Variants in MACROD2 observed in about 807,000 individuals in gnomAD.
MACROD2 encodes ADP-ribose glycohydrolase MACROD2.
MACROD2 carries 36 observed loss-of-function variants against 70.4 expected under a neutral mutation model. The ratio of observed to expected loss-of-function variants is 0.51; its 90% CI spans 0.39 to 0.68. MACROD2 has a LOEUF of 0.68. Among genes scored for constraint, MACROD2 ranks in the 30% least tolerant of loss-of-function variants. The pLI is 0.00. For synonymous variants in MACROD2, 172 were observed against 178.8 expected (o/e 0.96, Z 0.30); for missense variants, 496 against 538.4 (o/e 0.92, Z 0.78).
At chr20:14,258,005 G>A (rs2082071776) in intron 3 of MACROD2, among the ~76,000 whole-genome samples, 1 of 152,130 alleles carries the variant, frequency 6.6e-6, no homozygotes, top group African/African-American at 2.4e-5. Context: ...CCATTTTTGA[G>A]TTGCTGCACT....
intron 10 of MACROD2, among the ~76,000 whole-genome samples, chr20:15,920,935 G>T (rs933045199): frequency 1.3e-5 from 2 of 152,162 alleles, no homozygotes; most frequent in African/African-American, 4.8e-5. Flanking sequence ...AAAGCCAGTT[G>T]GTTCAATCTC....
chr20:14,408,699 A>AT (rs1347580347), intron 3 of MACROD2, among the ~76,000 whole-genome samples: 1 of 152,192 alleles, frequency 6.6e-6, no homozygotes, highest in Admixed American at 6.5e-5. Flanking sequence ...TTCATTAGCC[A>AT]TAGAGATGGC....
intron 5 of MACROD2, among the ~76,000 whole-genome samples, chr20:14,834,978 T>A (rs1189981986): frequency 1.3e-5 from 2 of 152,018 alleles, no homozygotes; most frequent in African/African-American, 4.8e-5. Context: ...CATACATATG[T>A]ATATATGTTT....
At chr20:15,761,300 C>T (rs1179680178) in intron 8 of MACROD2, among the ~76,000 whole-genome samples, 1 of 152,220 alleles carries the variant, frequency 6.6e-6, no homozygotes, top group Non-Finnish European at 1.5e-5. Context: ...CCTGCCTTGG[C>T]CTCCCAAAGT....
At chr20:15,740,769 C>G (rs1195952708) in intron 8 of MACROD2, among the ~76,000 whole-genome samples, 2 of 151,598 alleles carry the variant, frequency 1.3e-5, no homozygotes, top group African/African-American at 4.9e-5. Context: ...CAAATCACAA[C>G]TCTTACTGTC....
intron 4 of MACROD2, among the ~76,000 whole-genome samples, chr20:14,657,005 C>A (rs867560487): frequency 1.9e-4 from 29 of 152,104 alleles, no homozygotes; most frequent in African/African-American, 5.8e-4. Context: ...ATACTCTCTC[C>A]CACACATACC....
At position 14,455,153 on chromosome 20, in the gene MACROD2, T is replaced by A. The variant is rs1352009697; in HGVS notation, c.272-38326T>A. Among the ~76,000 whole-genome samples the A allele has an allele frequency of 4.0e-5, 6 of 151,894 alleles. No individual in the cohort carries two copies. In the East Asian group the frequency reaches 1.2e-3, roughly 29 times the overall value. On this transcript the variant is annotated intron_variant, in intron 3 of 17. Transcript: ENST00000684519. Reference sequence around the variant, plus strand: ...TCCCTCAAGAGGTGTCCAGGCAATATTATGTATTAGCAATTAACACCTCAG... The same window carrying A: ...TCCCTCAAGAGGTGTCCAGGCAATAATATGTATTAGCAATTAACACCTCAG...
chr20:14,957,989 T>C (rs1365074885), intron 5 of MACROD2, among the ~76,000 whole-genome samples: 1 of 152,136 alleles, frequency 6.6e-6, no homozygotes, highest in Non-Finnish European at 1.5e-5. Flanking sequence ...ATAATTGCGG[T>C]TTTTGCCAAC....
chr20:14,724,322 G>A (rs568654855), intron 5 of MACROD2, among the ~76,000 whole-genome samples: 16 of 152,066 alleles, frequency 1.1e-4, no homozygotes, highest in South Asian at 8.3e-4. Context: ...TTAAAGCTCC[G>A]TTTCATCACC....
At chr20:15,242,475 T>C (rs1425052201) in intron 6 of MACROD2, among the ~76,000 whole-genome samples, 1 of 152,244 alleles carries the variant, frequency 6.6e-6, no homozygotes, top group East Asian at 1.9e-4. Flanking sequence ...TCTATATTCA[T>C]AAGAGATACT....
intron 7 of MACROD2, among the ~76,000 whole-genome samples, chr20:15,475,785 C>A (rs988775924): frequency 6.6e-6 from 1 of 152,204 alleles, no homozygotes; most frequent in African/African-American, 2.4e-5. Flanking sequence ...GTGGCTGCTG[C>A]AGGCTTGCCC....
At chr20:15,574,002 C>A (rs1220142246) in intron 8 of MACROD2, among the ~76,000 whole-genome samples, 4 of 152,142 alleles carry the variant, frequency 2.6e-5, no homozygotes, top group Non-Finnish European at 5.9e-5. Context: ...CCAATAGTTA[C>A]ACACCTTAGA....
intron 3 of MACROD2, among the ~76,000 whole-genome samples, chr20:14,163,274 C>T (rs2055217575): frequency 6.6e-6 from 1 of 152,076 alleles, no homozygotes; most frequent in African/African-American, 2.4e-5. Flanking sequence ...ATATATCATC[C>T]TAAACTCTTT....
At chr20:14,250,243 T>A (rs2082000498) in intron 3 of MACROD2, among the ~76,000 whole-genome samples, 1 of 152,082 alleles carries the variant, frequency 6.6e-6, no homozygotes, top group African/African-American at 2.4e-5. Context: ...CCCACCTTTC[T>A]GATAAAGGAA....
intron 5 of MACROD2, among the ~76,000 whole-genome samples, chr20:15,118,688 G>A (rs1394422276): frequency 6.6e-6 from 1 of 152,186 alleles, no homozygotes; most frequent in Admixed American, 6.5e-5. Flanking sequence ...ACTGTATGAA[G>A]GGTTTAGGTT....
At chr20:15,939,162 A>C (rs1325795602) in intron 12 of MACROD2, among the ~76,000 whole-genome samples, 1 of 152,226 alleles carries the variant, frequency 6.6e-6, no homozygotes, top group African/African-American at 2.4e-5. Context: ...TATCAAGAAG[A>C]TCTAGCTAAA....
intron 8 of MACROD2, among the ~76,000 whole-genome samples, chr20:15,670,457 A>G (rs566254308): frequency 5.9e-5 from 9 of 152,334 alleles, no homozygotes; most frequent in Admixed American, 2.6e-4. Context: ...TAGGAATTAA[A>G]GTCATCTTTG....
intron 5 of MACROD2, among the ~76,000 whole-genome samples, chr20:15,102,408 A>G (rs417473): frequency 1.3e-5 from 2 of 151,766 alleles, no homozygotes; most frequent in African/African-American, 2.4e-5. Context: ...GAAGACACAC[A>G]AATCCTTTAA....
At chr20:15,201,792 CA>C (rs2076658519) in intron 5 of MACROD2, among the ~76,000 whole-genome samples, 1 of 152,196 alleles carries the variant, frequency 6.6e-6, no homozygotes, top group Non-Finnish European at 1.5e-5. Context: ...CCCTTTGTGA[CA>C]TTCAAATGCA....
Sources: gnomAD v4.1 joint callset for allele counts (sites outside exome capture counted in the v4.1 genomes callset) on GRCh38, gnomAD v4.1.1 for gene constraint, MANE v1.5 for transcripts, NCBI Gene and HGNC (gene_info 2026-07-23, HGNC 2026-07-21) for gene names.